Variants in KCNC1 observed in about 807,000 individuals in gnomAD.
KCNC1 encodes the protein potassium voltage-gated channel subfamily C member 1.
KCNC1 carries 8 observed loss-of-function variants against 43.4 expected under a neutral mutation model. The ratio of observed to expected loss-of-function variants is 0.18; its 90% CI spans 0.11 to 0.33. KCNC1 has a LOEUF of 0.33. KCNC1 is among the 10% of genes least tolerant of loss of function. The pLI is 1.00. For missense variants in KCNC1, 420 were observed against 836.0 expected, an observed-to-expected ratio of 0.50 and a Z score of 6.14; for synonymous variants, 361 against 360.5, an observed-to-expected ratio of 1.00 and a Z score of -0.01.
chr11:17,770,334 C>A (rs1046277735), intron 1 of KCNC1, among the ~76,000 whole-genome samples: 1 of 152,348 alleles, frequency 6.6e-6, no homozygotes. Context: ...CATGGCTAGG[C>A]AGGGAGAAGG....
intron 1 of KCNC1, among the ~76,000 whole-genome samples, chr11:17,753,526 A>C (rs1053742209): frequency 1.3e-5 from 2 of 152,232 alleles, no homozygotes; most frequent in African/African-American, 2.4e-5. Flanking sequence ...ACTTGGGTCT[A>C]GCCTGGGTAC....
chr11:17,762,349 G>A (rs1371122396), intron 1 of KCNC1, among the ~76,000 whole-genome samples: 1 of 152,368 alleles, frequency 6.6e-6, no homozygotes, highest in East Asian at 1.9e-4. Context: ...GAGAGGACCA[G>A]GGCGGGAGGG....
chr11:17,779,334 C>A lies in KCNC1; in HGVS notation c.1505-122C>A, dbSNP rs889891234. The A allele has an allele frequency of 1.4e-5, 11 of 809,554 alleles. No homozygotes were observed. The highest frequency in any genetic ancestry group is 2.0e-5 in the Non-Finnish European group (11 of 541,846). The allele number at this position is 809,554 out of a possible 1,614,324, so 50.1% of individuals were successfully genotyped here. A position where few individuals can be genotyped will look rare whatever the true frequency, so the allele number is the denominator to read the frequency against. On this transcript the variant is annotated intron_variant, in intron 2 of 3. Coordinates refer to ENST00000265969, the MANE Select transcript of KCNC1 (RefSeq NM_001112741.2). The surrounding 1 kb of genome is among the most constrained non-coding windows in gnomAD (Gnocchi z 7.2). Reference sequence around the variant, plus strand: ...CCCTCCTCGCTCCACAGCCTGCCCGCTTTTCCGTCCTCAGGGACGCTCAAG... The same window carrying A: ...CCCTCCTCGCTCCACAGCCTGCCCGATTTTCCGTCCTCAGGGACGCTCAAG...
In KCNC1 at chr11:17,771,544, G is replaced by A. The variant is rs536785934; in HGVS notation, c.571-121G>A. Reference sequence around the variant, plus strand: ...TGCCCTGAGGAGGGAAATGTAGCACGTGCTGCAGGGGGCCTGGTGCTGGCA... The same window carrying A: ...TGCCCTGAGGAGGGAAATGTAGCACATGCTGCAGGGGGCCTGGTGCTGGCA... On this transcript the variant is annotated intron_variant, in intron 1 of 3. Coordinates refer to ENST00000265969, the MANE Select transcript of KCNC1 (RefSeq NM_001112741.2). The surrounding 1 kb of genome is among the most constrained non-coding windows in gnomAD (Gnocchi z 4.7). The A allele has an allele frequency of 5.3e-4, 445 of 846,192 alleles. 3 individuals carry two copies. The East Asian group carries it at 0.011, about 20-fold the overall frequency. 52.4% of individuals were successfully genotyped at this position (846,192 alleles called of 1,614,324 possible).
Position 17,735,334 on chromosome 11 carries a change from G to A in KCNC1, c.-669G>A, listed in dbSNP as rs1008659886. ...GCCGCCGGGGGGAGCAGGCAGCCAA[G>A]CAAGGAGAGAGGGAGGGGGCCGGAG... On this transcript the variant is annotated 5_prime_UTR_variant, in exon 1 of 4. Coordinates refer to ENST00000265969, the MANE Select transcript of KCNC1 (RefSeq NM_001112741.2). This position sits in a 1 kb window ranked among gnomAD's most constrained non-coding sequence, Gnocchi z 6.7. 1 of 152,060 alleles carries A rather than the reference G, an allele frequency of 6.6e-6. No individual in the cohort carries two copies. The highest frequency in any genetic ancestry group is 1.5e-5 in the Non-Finnish European group (1 of 68,018). The allele number at this position is 152,060 out of a possible 1,614,324, so 9.4% of individuals were successfully genotyped here.
chr11:17,746,089 G>A (rs771916536), intron 1 of KCNC1, among the ~76,000 whole-genome samples: 27 of 152,184 alleles, frequency 1.8e-4, no homozygotes, highest in Non-Finnish European at 3.5e-4. Context: ...GTTCAAGGCC[G>A]AGGGCAGACA....
At chr11:17,775,776 G>C in intron 2 of KCNC1, 1 of 985,866 alleles carries the variant, frequency 1.0e-6, no homozygotes, top group South Asian at 4.7e-5. Context: ...GCCGGTGGAG[G>C]GGGTGGTGGT....
Position 17,736,061 on chromosome 11 carries a change from A to G in KCNC1, c.59A>G (p.Gln20Arg), listed in dbSNP as rs777640256. 1.3e-6 allele frequency: 2 copies of G among 1,589,858 alleles called. No individual in the cohort carries two copies. The highest frequency in any genetic ancestry group is 1.1e-5 in the South Asian group (1 of 87,800). Residue 20 changes from glutamine to arginine, a missense_variant, in exon 1 of 4, where the codon CAG becomes CGG. Physicochemically the swap from Gln to Arg is conservative, Grantham distance 43. This residue lies in a region of KCNC1 where 42 missense variants were observed against 81.5 expected (regional missense o/e 0.52). Transcript: ENST00000265969. The surrounding 1 kb of genome is among the most constrained non-coding windows in gnomAD (Gnocchi z 9.3). ...IVINVGGTRH[Q>R]TYRSTLRTLP... ...ATCAACGTGGGCGGCACGCGCCACC[A>G]GACGTACCGCTCGACCCTGCGCACG... is the stretch of plus-strand genomic sequence containing the variant.
At chr11:17,737,279 G>T (rs1251765722) in intron 1 of KCNC1, among the ~76,000 whole-genome samples, 1 of 152,162 alleles carries the variant, frequency 6.6e-6, no homozygotes, top group Non-Finnish European at 1.5e-5. Flanking sequence ...CCTCCTTGTC[G>T]AAAGCGGAGG....
intron 1 of KCNC1, among the ~76,000 whole-genome samples, chr11:17,754,542 C>T (rs1360376682): frequency 1.3e-5 from 2 of 152,180 alleles, no homozygotes; most frequent in Non-Finnish European, 2.9e-5. Context: ...CCATTGTGCC[C>T]ATTATGCAAC....
Position 17,779,866 on chromosome 11 carries a change from G to T in KCNC1, c.1693+222G>T. 2 of 413,162 alleles carry T rather than the reference G, an allele frequency of 4.8e-6. No individual in the cohort carries two copies. Among genetic ancestry groups the T allele is most frequent in the East Asian group, 3.8e-5 (1 of 26,322 alleles). 25.6% of individuals were successfully genotyped at this position (413,162 alleles called of 1,614,324 possible). ...GAGAACTTGAGGCCCTGGCAGCTGT[G>T]GGTTGCTGGGAGTTGAGAGGGGATT... On this transcript the variant is annotated intron_variant, in intron 3 of 3. Coordinates refer to ENST00000265969, the MANE Select transcript of KCNC1 (RefSeq NM_001112741.2). This position sits in a 1 kb window ranked among gnomAD's most constrained non-coding sequence, Gnocchi z 7.2.
At chr11:17,750,441 C>T (rs895465247) in intron 1 of KCNC1, among the ~76,000 whole-genome samples, 6 of 152,250 alleles carry the variant, frequency 3.9e-5, no homozygotes, top group Admixed American at 6.5e-5. Flanking sequence ...CCCTTCTAGG[C>T]GGCAGGAATC....
chr11:17,757,457 C>G (rs564731193), intron 1 of KCNC1, among the ~76,000 whole-genome samples: 39 of 152,328 alleles, frequency 2.6e-4, no homozygotes, highest in African/African-American at 9.4e-4. Flanking sequence ...AGGAGGTTGA[C>G]TTACATGAGA....
At chr11:17,747,685 G>C (rs1382192415) in intron 1 of KCNC1, among the ~76,000 whole-genome samples, 3 of 152,186 alleles carry the variant, frequency 2.0e-5, no homozygotes, top group Non-Finnish European at 2.9e-5. Context: ...CTGAGCTCAG[G>C]GGGGCTCAGG....
In KCNC1 at chr11:17,779,360, C is replaced by T. The variant is rs896831944; in HGVS notation, c.1505-96C>T. ...TTTTCCGTCCTCAGGGACGCTCAAG[C>T]TGCCCTCTGCCAATACCCCGCTTCT... On this transcript the variant is annotated intron_variant, in intron 2 of 3. Coordinates refer to ENST00000265969, the MANE Select transcript of KCNC1 (RefSeq NM_001112741.2). This position sits in a 1 kb window ranked among gnomAD's most constrained non-coding sequence, Gnocchi z 7.2. 6 of 1,046,364 alleles carry T rather than the reference C, an allele frequency of 5.7e-6. No individual in the cohort carries two copies. Among genetic ancestry groups the T allele is most frequent in the African/African-American group, 1.6e-5 (1 of 61,082 alleles). The allele number at this position is 1,046,364 out of a possible 1,614,324, so 64.8% of individuals were successfully genotyped here.
chr11:17,736,398 C>T lies in KCNC1; in HGVS notation c.396C>T (p.Asp132=). Residue 132 remains aspartate, a synonymous_variant, in exon 1 of 4, where the codon GAC becomes GAT. Coordinates refer to ENST00000265969, the MANE Select transcript of KCNC1 (RefSeq NM_001112741.2). This position sits in a 1 kb window ranked among gnomAD's most constrained non-coding sequence, Gnocchi z 9.3. ...GCGCTCCTCTGGACAACAGCGCCGACGACGCGGACGCCGACGGCCCTGGCG... is the reference window on the plus strand; with the variant it reads ...GCGCTCCTCTGGACAACAGCGCCGATGACGCGGACGCCGACGGCCCTGGCG... ...FGGAPLDNSA[D]DADADGPGDS... The T allele has an allele frequency of 6.2e-7, 1 of 1,609,744 alleles. No homozygotes were observed. The highest frequency in any genetic ancestry group is 8.5e-7 in the Non-Finnish European group (1 of 1,178,626).
Position 17,775,986 on chromosome 11 carries a change from G to C in KCNC1, c.1504+3388G>C, listed in dbSNP as rs1419751263. ...CAGTGAGTGGTGCTATCCATGGAGGGGGGAGGGAGCTGGGCAGCGCTGACT... is the reference window on the plus strand; with the variant it reads ...CAGTGAGTGGTGCTATCCATGGAGGCGGGAGGGAGCTGGGCAGCGCTGACT... On this transcript the variant is annotated intron_variant, in intron 2 of 3. Transcript: ENST00000265969. The C allele has an allele frequency of 1.2e-5, 12 of 985,396 alleles. No homozygotes were observed. In the East Asian group the frequency reaches 1.0e-3, roughly 84 times the overall value. The allele number at this position is 985,396 out of a possible 1,614,324, so 61.0% of individuals were successfully genotyped here.
Position 17,736,704 on chromosome 11 carries a change from G to A in KCNC1, c.570+132G>A, listed in dbSNP as rs1233225428. On this transcript the variant is annotated intron_variant, in intron 1 of 3. Transcript: ENST00000265969. The surrounding 1 kb of genome is among the most constrained non-coding windows in gnomAD (Gnocchi z 9.3). ...CGAAAGGGGGTGTGTGCGCATGTGT[G>A]CACGTACCAGGGTAAGAGAGGAAGG... 1.4e-6 allele frequency: 2 copies of A among 1,394,870 alleles called. No individual in the cohort carries two copies. The highest frequency in any genetic ancestry group is 9.4e-7 in the Non-Finnish European group (1 of 1,066,890). 86.4% of individuals were successfully genotyped at this position (1,394,870 alleles called of 1,614,324 possible). A position where few individuals can be genotyped will look rare whatever the true frequency, so the allele number is the denominator to read the frequency against.
At chr11:17,774,015 C>A (rs1849259227) in intron 2 of KCNC1, 1 of 985,526 alleles carries the variant, frequency 1.0e-6, no homozygotes, top group Non-Finnish European at 1.2e-6. Flanking sequence ...CCCACCACCC[C>A]ATCCCAATCC....
Sources: allele counts gnomAD v4.1 joint callset (sites outside exome capture counted in the v4.1 genomes callset), GRCh38; gene constraint gnomAD v4.1.1; regional missense constraint gnomAD v4.1.1; non-coding constraint Gnocchi (gnomAD v3.1); transcripts MANE v1.5; gene names NCBI Gene and HGNC (gene_info 2026-07-23, HGNC 2026-07-21).